The following FAAH variants were observed in gnomAD, a reference collection of about 807,000 sequenced individuals.
The protein encoded by FAAH is fatty-acid amide hydrolase 1.
A neutral mutation model predicts 69.7 loss-of-function variants in FAAH; 63 were observed. The observed-to-expected ratio is 0.90, with a 90% confidence interval of 0.74 to 1.12. FAAH has a LOEUF of 1.12. Among genes scored for constraint, FAAH ranks in the 50% most tolerant of loss-of-function variants. The pLI is 0.00. For missense variants in FAAH, 680 were observed against 755.0 expected, an observed-to-expected ratio of 0.90 and a Z score of 1.16; for synonymous variants, 305 against 324.2, an observed-to-expected ratio of 0.94 and a Z score of 0.64.
chr1:46,413,256 C>T (rs746756187), intron 14 of FAAH, 36 bp downstream of exon 14: 1 of 1,613,790 alleles, frequency 6.2e-7, no homozygotes, highest in Admixed American at 1.7e-5. Context: ...GGACTCACTC[C>T]CCACCCTGAC....
At chr1:46,400,397 A>G (rs1269845006) in intron 1 of FAAH, among the ~76,000 whole-genome samples, 1 of 152,106 alleles carries the variant, frequency 6.6e-6, no homozygotes, top group Non-Finnish European at 1.5e-5. Flanking sequence ...TGGGCAGGGC[A>G]GCAGTTGGGT....
In FAAH at chr1:46,405,094, G is replaced by T. The variant is rs140073331; in HGVS notation, c.390G>T (p.Arg130Ser). Residue 130 changes from arginine to serine, a missense_variant, in exon 3 of 15, where the codon AGG becomes AGT. Arg to Ser is a moderately radical substitution (Grantham distance 110, BLOSUM62 -1). Coordinates refer to ENST00000243167, the MANE Select transcript of FAAH (RefSeq NM_001441.3). This position sits in a 1 kb window ranked among gnomAD's most constrained non-coding sequence, Gnocchi z 4.1. ...DCETQLSQAPRQGLLYGVPVS... is the reference protein window; with the variant it reads ...DCETQLSQAPSQGLLYGVPVS... The stretch of plus-strand genomic sequence containing the variant: ...AGACTCAGCTGTCTCAGGCCCCAAG[G>T]CAGGGCCTGCTCTATGGCGTCCCTG... 1 of 1,613,906 alleles carries T rather than the reference G, an allele frequency of 6.2e-7. No homozygotes were observed.
chr1:46,408,937 C>G (rs1664849797), intron 8 of FAAH, among the ~76,000 whole-genome samples, 164 bp from the exon 9 acceptor site: 1 of 152,166 alleles, frequency 6.6e-6, no homozygotes, highest in African/African-American at 2.4e-5. Flanking sequence ...GCTGTGCATT[C>G]CACAGTGAGT....
intron 7 of FAAH, 138 bp downstream of exon 7, chr1:46,406,506 A>C (rs1569817504): frequency 9.3e-7 from 1 of 1,070,492 alleles, no homozygotes; most frequent in Non-Finnish European, 1.4e-6. Flanking sequence ...TTGCTCCTCC[A>C]CAGACGGCCA....
At position 46,413,688 on chromosome 1, in the gene FAAH, C is replaced by T. The variant is rs201252443; in HGVS notation, c.*113C>T. 44 of 1,490,866 alleles carry T rather than the reference C, an allele frequency of 3.0e-5. No individual in the cohort carries two copies. Among genetic ancestry groups the T allele is most frequent in the Admixed American group, 1.4e-4 (8 of 56,252 alleles). The allele number at this position is 1,490,866 out of a possible 1,614,324, so 92.4% of individuals were successfully genotyped here. ...ATGTCCTGCATGGGGCAGAGGCTTC[C>T]GTGTCCTCTCCCCCAACCCCCTGCA... On this transcript the variant is annotated 3_prime_UTR_variant, in exon 15 of 15. Transcript: ENST00000243167.
chr1:46,394,713 C>T (rs1210640129), intron 1 of FAAH, among the ~76,000 whole-genome samples, 170 bp downstream of exon 1: 40 of 152,214 alleles, frequency 2.6e-4, no homozygotes, highest in Admixed American at 2.6e-3. Flanking sequence ...CCAGGTAGAG[C>T]ACGGGGGAAG....
Position 46,402,219 on chromosome 1 carries a change from G to A in FAAH, c.309+15G>A, listed in dbSNP as rs1664716193. 3 of 1,567,728 alleles carry A rather than the reference G, an allele frequency of 1.9e-6. No homozygotes were observed. The highest frequency in any genetic ancestry group is 3.4e-4 in the Middle Eastern group (2 of 5,886). On this transcript the variant is annotated intron_variant, in intron 2 of 14. Transcript: ENST00000243167. ...ATGTGGGAAAGGTAAGGCCAGCCAA[G>A]GCCAGCCCCTCCCTGGGAAAGGTAA...
chr1:46,398,683 T>C (rs932845960), intron 1 of FAAH, among the ~76,000 whole-genome samples: 4 of 152,116 alleles, frequency 2.6e-5, no homozygotes, highest in African/African-American at 9.7e-5. Flanking sequence ...TACAGGTGCC[T>C]GCCACCACAT....
Position 46,405,664 on chromosome 1 carries a change from G to C in FAAH, c.655G>C (p.Gly219Arg). The part of the protein sequence containing the change: ...KSSKSPGGSS[G>R]GEGALIGSGG... ...CTCCAAAAGCCCAGGGGGCTCCTCAGGGGGTGAAGGGGCCCTCATCGGGTC... is the reference window on the plus strand; with the variant it reads ...CTCCAAAAGCCCAGGGGGCTCCTCACGGGGTGAAGGGGCCCTCATCGGGTC... Residue 219 changes from glycine (G) to arginine (R), a missense_variant, in exon 5 of 15, where the codon GGG becomes CGG. Coordinates refer to ENST00000243167, the MANE Select transcript of FAAH (RefSeq NM_001441.3). The surrounding 1 kb of genome is among the most constrained non-coding windows in gnomAD (Gnocchi z 4.1). 6.2e-7 allele frequency: 1 copy of C among 1,613,584 alleles called. No homozygotes were observed. The highest frequency in any genetic ancestry group is 8.5e-7 in the Non-Finnish European group (1 of 1,180,044).
intron 8 of FAAH, 69 bp from the exon 9 acceptor site, chr1:46,409,032 C>G (rs1348512509): frequency 1.5e-6 from 2 of 1,347,334 alleles, no homozygotes; most frequent in Non-Finnish European, 2.1e-6. Context: ...CTCAGGGCCG[C>G]CCAGACAGCA....
At chr1:46,406,853 G>T (rs1664808995) in intron 7 of FAAH, among the ~76,000 whole-genome samples, 1 of 151,806 alleles carries the variant, frequency 6.6e-6, no homozygotes, top group Non-Finnish European at 1.5e-5. Context: ...TGATCCGCCC[G>T]CCTCGGCCTC....
In FAAH at chr1:46,405,300, G is replaced by A; in HGVS notation, c.445-72G>A. ...TATACCTGTTTTGGCCTGTGTGACA[G>A]TTGTTGGAGTGGACCCTTGGCTGCC... On this transcript the variant is annotated intron_variant, in intron 3 of 14. Transcript: ENST00000243167. The surrounding 1 kb of genome is among the most constrained non-coding windows in gnomAD (Gnocchi z 4.1). The A allele has an allele frequency of 6.2e-7, 1 of 1,606,004 alleles. No individual in the cohort carries two copies. The highest frequency in any genetic ancestry group is 8.5e-7 in the Non-Finnish European group (1 of 1,179,710).
chr1:46,411,799 T>G lies in FAAH; in HGVS notation c.1356+148T>G. 1.1e-6 allele frequency: 1 copy of G among 892,120 alleles called. No individual in the cohort carries two copies. Among genetic ancestry groups the G allele is most frequent in the Non-Finnish European group, 1.8e-6 (1 of 564,684 alleles). The allele number at this position is 892,120 out of a possible 1,614,324, so 55.3% of individuals were successfully genotyped here. A position where few individuals can be genotyped will look rare whatever the true frequency, so the allele number is the denominator to read the frequency against. ...CCCTTCCACTCCCTGGACCACCACT[T>G]GGGCCCAGCTCTCTGACCCTTACTT... On this transcript the variant is annotated intron_variant, in intron 12 of 14. Coordinates refer to ENST00000243167, the MANE Select transcript of FAAH (RefSeq NM_001441.3). The surrounding 1 kb of genome is among the most constrained non-coding windows in gnomAD (Gnocchi z 4.8).
chr1:46,406,228 C>A lies in FAAH; in HGVS notation c.827-16C>A, dbSNP rs202074281. ...GCTCCTTGTCTGCTTACCTCCCTCA[C>A]CTCTCTGCCCCACAGTGCGTCTCTC... On this transcript the variant is annotated splice_polypyrimidine_tract_variant and intron_variant, in intron 6 of 14. Coordinates refer to ENST00000243167, the MANE Select transcript of FAAH (RefSeq NM_001441.3). The A allele has an allele frequency of 1.9e-6, 3 of 1,614,088 alleles. No homozygotes were observed. Among genetic ancestry groups the A allele is most frequent in the Non-Finnish European group, 2.5e-6 (3 of 1,180,050 alleles).
chr1:46,410,576 T>C lies in FAAH; in HGVS notation c.1275+79T>C. 7.4e-7 allele frequency: 1 copy of C among 1,348,270 alleles called. No individual in the cohort carries two copies. Among genetic ancestry groups the C allele is most frequent in the Non-Finnish European group, 1.1e-6 (1 of 945,066 alleles). The allele number at this position is 1,348,270 out of a possible 1,614,324, so 83.5% of individuals were successfully genotyped here. A position where few individuals can be genotyped will look rare whatever the true frequency, so the allele number is the denominator to read the frequency against. ...TCCTATCGCATGATCCCCCATGGCC[T>C]CCCTCAGCCTCTCTTGGTTTGGGCA... On this transcript the variant is annotated intron_variant, in intron 10 of 14. Transcript: ENST00000243167. This position sits in a 1 kb window ranked among gnomAD's most constrained non-coding sequence, Gnocchi z 4.9.
chr1:46,394,553 G>T lies in FAAH; in HGVS notation c.195+10G>T. The T allele has an allele frequency of 3.7e-6, 5 of 1,345,344 alleles. No homozygotes were observed. The highest frequency in any genetic ancestry group is 4.7e-6 in the Non-Finnish European group (5 of 1,055,818). The allele number at this position is 1,345,344 out of a possible 1,614,324, so 83.3% of individuals were successfully genotyped here. ...GCGCTTCCGGCTCCAGGTGACTGCC[G>T]GAGCGTAGTGGGATGGGCGCGGCCT... is the stretch of plus-strand genomic sequence containing the variant. On this transcript the variant is annotated intron_variant, in intron 1 of 14. Transcript: ENST00000243167.
intron 7 of FAAH, among the ~76,000 whole-genome samples, chr1:46,407,716 T>G (rs555721135): frequency 1.3e-5 from 2 of 152,248 alleles, no homozygotes; most frequent in Non-Finnish European, 2.9e-5. Context: ...CTGTGCCCAC[T>G]CCAACAGAGT....
At chr1:46,408,387 T>C in intron 7 of FAAH, 72 bp from the exon 8 acceptor site, 1 of 1,608,566 alleles carries the variant, frequency 6.2e-7, no homozygotes, top group Non-Finnish European at 8.5e-7. Context: ...GAGTAGTTTC[T>C]CTGATCTCTA....
At position 46,405,747 on chromosome 1, in the gene FAAH, C is replaced by T. The variant is rs753183585; in HGVS notation, c.738C>T (p.Ser246=). The T allele has an allele frequency of 6.2e-7, 1 of 1,613,534 alleles. No homozygotes were observed. The highest frequency in any genetic ancestry group is 1.3e-5 in the African/African-American group (1 of 75,062). Residue 246 remains serine, a synonymous_variant, in exon 5 of 15, where the codon TCC becomes TCT. Transcript: ENST00000243167. This position sits in a 1 kb window ranked among gnomAD's most constrained non-coding sequence, Gnocchi z 4.1. ...TCGGAGGCAGCATCCGCTTCCCCTC[C>T]TCCTTCTGCGGCATCTGCGGCCTCA... The part of the protein sequence containing the change: ...TDIGGSIRFP[S]SFCGICGLKP...
Sources: allele counts gnomAD v4.1 joint callset (sites outside exome capture counted in the v4.1 genomes callset), GRCh38; gene constraint gnomAD v4.1.1; non-coding constraint Gnocchi (gnomAD v3.1); transcripts MANE v1.5; gene names NCBI Gene and HGNC (gene_info 2026-07-23, HGNC 2026-07-21).